Variants in PDE4DIP observed in about 807,000 individuals in gnomAD.
PDE4DIP encodes the protein myomegalin.
PDE4DIP carries 59 observed loss-of-function variants against 221.4 expected under a neutral mutation model. That is an observed-to-expected ratio of 0.27 (90% CI 0.22 to 0.33). The LOEUF is 0.33. Ranked by LOEUF, PDE4DIP falls within the 10% of genes least tolerant of loss-of-function variation. The probability of loss-of-function intolerance (pLI) is 1.00; values close to 1 mark genes in which losing one functional copy is unlikely to be tolerated. For missense variants in PDE4DIP, 1,036 were observed against 2,154.2 expected (o/e 0.48, Z 10.28); for synonymous variants, 404 against 815.9 (o/e 0.50, Z 8.60).
chr1:148,969,880 A>G (rs1268778364), intron 14 of PDE4DIP, among the ~76,000 whole-genome samples: 3 of 151,940 alleles, frequency 2.0e-5, no homozygotes, highest in African/African-American at 7.3e-5. Flanking sequence ...TAAGTTTTGT[A>G]TTTTTAGTAG....
At chr1:149,012,870 A>G (rs2069033480) in intron 32 of PDE4DIP, 94 bp downstream of exon 35, 1 of 636,772 alleles carries the variant, frequency 1.6e-6, no homozygotes, top group Non-Finnish European at 2.7e-6. Flanking sequence ...TAAAAAAACA[A>G]CACGGGTACA....
At chr1:149,010,498 C>G (rs1460221916) in exon 31 of PDE4DIP, 3 of 1,609,532 alleles carry the variant, frequency 1.9e-6, no homozygotes, top group Admixed American at 3.3e-5. Flanking sequence ...CATCATCAAC[C>G]AGTGCATCTC....
intron 19 of PDE4DIP, among the ~76,000 whole-genome samples, chr1:148,979,380 G>A (rs186845937): frequency 7.2e-5 from 11 of 152,160 alleles, no homozygotes; most frequent in East Asian, 5.8e-4. Context: ...CCCGTAGAAC[G>A]TGCTCAGTAA....
intron 41 of PDE4DIP, among the ~76,000 whole-genome samples, chr1:149,029,000 G>T (rs1377191105): frequency 6.6e-6 from 1 of 152,208 alleles, no homozygotes; most frequent in African/African-American, 2.4e-5. Flanking sequence ...ATCCATAAAT[G>T]TTCAGTTTAT....
At position 149,030,063 on chromosome 1, in the gene PDE4DIP, A is replaced by G. The variant is rs2798857; in HGVS notation, c.6952+138A>G. 1,031 of 1,095,716 alleles carry G rather than the reference A, an allele frequency of 9.4e-4. 4 individuals are homozygous for G. Among genetic ancestry groups the G allele is most frequent in the African/African-American group, 2.4e-3 (155 of 65,102 alleles). The allele number at this position is 1,095,716 out of a possible 1,614,324, so 67.9% of individuals were successfully genotyped here. A position where few individuals can be genotyped will look rare whatever the true frequency, so the allele number is the denominator to read the frequency against. On this transcript the variant is annotated intron_variant, in intron 42 of 43. Coordinates refer to ENST00000369354, the Ensembl canonical transcript of PDE4DIP. Reference sequence around the variant, plus strand: ...GATTTGATGTCCCCAAACCTCCTGTACCAGGAGCAATTGTGGCTGCAGAGG... The same window carrying G: ...GATTTGATGTCCCCAAACCTCCTGTGCCAGGAGCAATTGTGGCTGCAGAGG...
At chr1:148,927,204 A>G (rs1553466336) in intron 1 of PDE4DIP, among the ~76,000 whole-genome samples, 2 of 152,000 alleles carry the variant, frequency 1.3e-5, no homozygotes, top group African/African-American at 2.4e-5. Context: ...ACTTTAAAGT[A>G]TATCCTGAAA....
Position 148,883,382 on chromosome 1 carries a change from A to G in PDE4DIP, c.442-6402A>G, listed in dbSNP as rs1572601767. ...TTATCCACAGATATCAAATTAGTACAGTTAAAATTGTGGAAGTTTGATTAT... is the reference window on the plus strand; with the variant it reads ...TTATCCACAGATATCAAATTAGTACGGTTAAAATTGTGGAAGTTTGATTAT... On this transcript the variant is annotated intron_variant, in intron 3 of 45. Transcript: ENST00000524974. Among the ~76,000 whole-genome samples, 3 of 116,446 alleles carry G rather than the reference A, an allele frequency of 2.6e-5. No homozygotes were observed. The East Asian group carries it at 7.2e-4, about 28-fold the overall frequency. 76.4% of individuals were successfully genotyped at this position (116,446 alleles called of 152,430 possible).
At chr1:148,953,936 G>A (rs1553498622) in intron 5 of PDE4DIP, 1 of 1,551,550 alleles carries the variant, frequency 6.4e-7, no homozygotes. Context: ...GTGCCTTTCT[G>A]ATTATAGCTA....
chr1:148,907,351 A>G (rs1477715145), intron 1 of PDE4DIP, among the ~76,000 whole-genome samples: 2 of 127,238 alleles, frequency 1.6e-5, no homozygotes, highest in Admixed American at 8.2e-5. Context: ...TTGCCTGTAT[A>G]CCTTGGTTTT....
At chr1:148,955,997 A>G (rs587642811) in intron 5 of PDE4DIP, among the ~76,000 whole-genome samples, 339 of 152,262 alleles carry the variant, frequency 2.2e-3, no homozygotes, top group African/African-American at 7.7e-3. Flanking sequence ...GTTTGTAAAT[A>G]AAATGGGCGG....
intron 5 of PDE4DIP, chr1:148,953,711 C>T: frequency 7.2e-7 from 1 of 1,395,580 alleles, no homozygotes; most frequent in South Asian, 1.2e-5. Flanking sequence ...AGGGAGCAGG[C>T]TTCCGATTCC....
intron 3 of PDE4DIP, among the ~76,000 whole-genome samples, chr1:148,875,905 G>A (rs1205656484): frequency 2.6e-5 from 4 of 152,296 alleles, no homozygotes; most frequent in Non-Finnish European, 2.9e-5. Flanking sequence ...CAGCCTGGGC[G>A]ACAAAGCGAG....
At chr1:148,958,568 G>T (rs2056005948) in intron 5 of PDE4DIP, among the ~76,000 whole-genome samples, 1 of 151,836 alleles carries the variant, frequency 6.6e-6, no homozygotes, top group African/African-American at 2.4e-5. Flanking sequence ...GTGCTATCCA[G>T]TAAGCTAGCC....
At chr1:148,929,829 T>C (rs587609885) in intron 2 of PDE4DIP, 1 of 152,750 alleles carries the variant, frequency 6.5e-6, no homozygotes, top group Non-Finnish European at 1.5e-5. Context: ...ATTGCATCAT[T>C]AGTTGTAATG....
chr1:148,942,820 TTTTG>T (rs372864831), intron 5 of PDE4DIP, among the ~76,000 whole-genome samples: 293 of 139,150 alleles, frequency 2.1e-3, no homozygotes, highest in African/African-American at 7.4e-3. Context: ...GGAATTCTTG[TTTTG>T]TTTGTCGCCT....
intron 1 of PDE4DIP, among the ~76,000 whole-genome samples, chr1:148,905,225 C>G (rs1553449276): frequency 7.6e-6 from 1 of 131,180 alleles, no homozygotes; most frequent in Non-Finnish European, 1.6e-5. Flanking sequence ...GCTCTGTCGC[C>G]TAGGCTGGAG....
intron 5 of PDE4DIP, chr1:148,953,822 C>T (rs782235939): frequency 2.0e-6 from 3 of 1,490,660 alleles, no homozygotes; most frequent in African/African-American, 1.4e-5. Context: ...TTACAAGACA[C>T]CTGTGAGTTA....
At chr1:148,883,953 TTTTG>T (rs1229820572) in intron 3 of PDE4DIP, among the ~76,000 whole-genome samples, 15 of 133,554 alleles carry the variant, frequency 1.1e-4, no homozygotes, top group Non-Finnish European at 3.2e-5. Context: ...GTATGTGTGT[TTTTG>T]TTTGTTAAAG....
chr1:149,028,204 C>T (rs1479492753), intron 40 of PDE4DIP, among the ~76,000 whole-genome samples: 1 of 151,416 alleles, frequency 6.6e-6, no homozygotes, highest in Non-Finnish European at 1.5e-5. Context: ...GGGCAAGACA[C>T]ACACCCAAGT....
Sources: allele counts gnomAD v4.1 joint callset (sites outside exome capture counted in the v4.1 genomes callset), GRCh38; gene constraint gnomAD v4.1.1; transcripts MANE v1.5; gene names NCBI Gene and HGNC (gene_info 2026-07-23, HGNC 2026-07-21).